The following SCCPDH variants were observed in gnomAD, a reference collection of about 807,000 sequenced individuals.
SCCPDH encodes saccharopine dehydrogenase-like oxidoreductase.
Under a neutral mutation model 51.5 loss-of-function variants are expected in SCCPDH, and 34 were observed. That is an observed-to-expected ratio of 0.66 (90% confidence interval 0.50 to 0.88). The LOEUF is 0.88. Among genes scored for constraint, SCCPDH ranks in the 40% least tolerant of loss-of-function variants. The pLI, the probability that SCCPDH is intolerant of heterozygous loss-of-function variation, is 0.00. For missense variants in SCCPDH, 464 were observed against 527.1 expected, an observed-to-expected ratio of 0.88 and a Z score of 1.17; for synonymous variants, 187 against 191.3, an observed-to-expected ratio of 0.98 and a Z score of 0.19.
chr1:246,732,214 A>G (rs1668503319), intron 2 of SCCPDH, among the ~76,000 whole-genome samples: 1 of 152,196 alleles, frequency 6.6e-6, no homozygotes, highest in Non-Finnish European at 1.5e-5. Flanking sequence ...AGATGGGGCT[A>G]GCTGGCTGCA....
intron 5 of SCCPDH, among the ~76,000 whole-genome samples, chr1:246,754,941 A>G (rs1433718861): frequency 1.3e-5 from 2 of 152,112 alleles, no homozygotes; most frequent in African/African-American, 2.4e-5. Context: ...TATTTCCACA[A>G]TAGTTTTTAT....
chr1:246,755,707 C>T, intron 5 of SCCPDH: 1 of 152,746 alleles, frequency 6.5e-6, no homozygotes. Context: ...CATTTCCTGC[C>T]CAAATCAAAT....
At chr1:246,766,853 C>G (rs1055609478) in intron 11 of SCCPDH, among the ~76,000 whole-genome samples, 2 of 151,986 alleles carry the variant, frequency 1.3e-5, no homozygotes, top group African/African-American at 4.8e-5. Context: ...TTATTCCATT[C>G]GGGTCTTTCT....
chr1:246,741,583 C>T (rs1313366998), intron 4 of SCCPDH, among the ~76,000 whole-genome samples: 1 of 151,048 alleles, frequency 6.6e-6, no homozygotes, highest in Non-Finnish European at 1.5e-5. Context: ...CAGACGTGAG[C>T]CACCATGCGC....
At chr1:246,749,812 GA>G (rs1477338749) in intron 5 of SCCPDH, among the ~76,000 whole-genome samples, 1 of 152,210 alleles carries the variant, frequency 6.6e-6, no homozygotes, top group Non-Finnish European at 1.5e-5. Context: ...CCAGTCTGAG[GA>G]GAGCTAGGAA....
At chr1:246,728,628 C>G (rs1172521992) in intron 2 of SCCPDH, among the ~76,000 whole-genome samples, 4 of 152,200 alleles carry the variant, frequency 2.6e-5, no homozygotes, top group Non-Finnish European at 4.4e-5. Flanking sequence ...CCTTGTTTTC[C>G]TTGAACTTTT....
At chr1:246,758,965 T>C (rs1025911403) in intron 6 of SCCPDH, 69 bp from the exon 7 acceptor site, 89 of 905,054 alleles carry the variant, frequency 9.8e-5, no homozygotes, top group Non-Finnish European at 1.5e-4. Context: ...CTGATTTGCT[T>C]ATTCAGACAT....
intron 3 of SCCPDH, among the ~76,000 whole-genome samples, chr1:246,739,683 A>G (rs1302023093): frequency 1.3e-5 from 2 of 152,236 alleles, no homozygotes; most frequent in African/African-American, 2.4e-5. Flanking sequence ...CTACTATTCA[A>G]TTTTTCTGTA....
In SCCPDH at chr1:246,764,321, C is replaced by T; in HGVS notation, c.1066C>T (p.Pro356Ser). Residue 356 changes from proline to serine, a missense_variant, in exon 10 of 12, where the codon CCA becomes TCA. By Grantham distance (74) the Pro-to-Ser change is moderately conservative (BLOSUM62 -1). Coordinates refer to ENST00000366510, the MANE Select transcript of SCCPDH (RefSeq NM_016002.3). The part of the protein sequence containing the change: ...SQGTGTDKNK[P>S]NIKICTQVKG... ...AGGCACTGGTACAGATAAGAACAAA[C>T]CAAATATCAAAATTTGTACTCAGGT... 1 of 1,612,598 alleles carries T rather than the reference C, an allele frequency of 6.2e-7. No individual in the cohort carries two copies. Among genetic ancestry groups the T allele is most frequent in the East Asian group, 2.2e-5 (1 of 44,822 alleles).
chr1:246,746,082 TG>T (rs1190552952), intron 5 of SCCPDH, among the ~76,000 whole-genome samples: 1 of 123,376 alleles, frequency 8.1e-6, no homozygotes, highest in African/African-American at 3.3e-5. Flanking sequence ...CACTCCAGCC[TG>T]GGCGACAGAG....
intron 5 of SCCPDH, among the ~76,000 whole-genome samples, chr1:246,747,709 G>A (rs1171556378): frequency 1.6e-5 from 2 of 127,560 alleles, no homozygotes; most frequent in Admixed American, 8.1e-5. Flanking sequence ...TTGGACTGCA[G>A]TCTAAGCTAA....
chr1:246,738,928 G>A (rs1353990232), intron 3 of SCCPDH, among the ~76,000 whole-genome samples: 2 of 152,354 alleles, frequency 1.3e-5, no homozygotes, highest in East Asian at 3.9e-4. Context: ...AATGATTTAT[G>A]TAGCTTCTCC....
At chr1:246,731,960 G>A (rs755409263) in intron 2 of SCCPDH, among the ~76,000 whole-genome samples, 5 of 151,670 alleles carry the variant, frequency 3.3e-5, no homozygotes, top group Non-Finnish European at 7.4e-5. Flanking sequence ...GAGATCATGC[G>A]GTATTTGGTT....
rs1412974834 is a variant in SCCPDH, at chr1:246,749,878, C to T, written c.564+5753C>T. On this transcript the variant is annotated intron_variant, in intron 5 of 11. Transcript: ENST00000366510. ...TTGCCTCTGGTTTGACAAATCTTCA[C>T]AGGGCATCAGAAGGCAAGCGTCAAA... Among the ~76,000 whole-genome samples, 3 of 150,966 alleles carry T rather than the reference C, an allele frequency of 2.0e-5. No homozygotes were observed. In the East Asian group the frequency reaches 5.9e-4, roughly 29 times the overall value.
intron 2 of SCCPDH, among the ~76,000 whole-genome samples, chr1:246,729,361 C>A (rs1668454545): frequency 7.0e-6 from 1 of 142,018 alleles, no homozygotes; most frequent in African/African-American, 2.5e-5. Flanking sequence ...CATCCCTTAT[C>A]TTCAACTGCA....
rs370697274 is a variant in SCCPDH at position 246,745,969 on chromosome 1, G to A, written c.564+1844G>A. 4.6e-3 allele frequency among the ~76,000 whole-genome samples: 703 copies of A among 152,044 alleles called. 7 individuals are homozygous for A. The highest frequency in any genetic ancestry group is 0.015 in the African/African-American group (616 of 41,444). On this transcript the variant is annotated intron_variant, in intron 5 of 11. Transcript: ENST00000366510. ...TAAAAATACAAAAAATTAGCTGGGC[G>A]TGGTGGCAGGCACCTGTAGTCCCAG...
chr1:246,742,319 T>G (rs1042922767), intron 4 of SCCPDH, among the ~76,000 whole-genome samples: 2 of 152,266 alleles, frequency 1.3e-5, no homozygotes, highest in African/African-American at 4.8e-5. Context: ...TCTGCTTTTA[T>G]TTTGAATAAG....
At position 246,758,223 on chromosome 1, in the gene SCCPDH, T is replaced by C. The variant is rs753787711; in HGVS notation, c.565-3T>C. ...TTCTTTAACTCTTGAAATATTTTAT[T>C]AGGGGTTGAGCATTCATGATGGTAC... is the stretch of plus-strand genomic sequence containing the variant. On this transcript the variant is annotated splice_polypyrimidine_tract_variant and splice_region_variant and intron_variant, in intron 5 of 11. Coordinates refer to ENST00000366510, the MANE Select transcript of SCCPDH (RefSeq NM_016002.3). The C allele has an allele frequency of 3.8e-5, 60 of 1,565,262 alleles. No homozygotes were observed. Among genetic ancestry groups the C allele is most frequent in the Non-Finnish European group, 5.0e-5 (58 of 1,160,474 alleles).
At chr1:246,763,630 T>G (rs892295843) in intron 9 of SCCPDH, among the ~76,000 whole-genome samples, 2 of 152,244 alleles carry the variant, frequency 1.3e-5, no homozygotes, top group South Asian at 4.1e-4. Context: ...ACATTGTTAT[T>G]TAATCTGTTT....
Sources: gnomAD v4.1 joint callset for allele counts (sites outside exome capture counted in the v4.1 genomes callset) on GRCh38, gnomAD v4.1.1 for gene constraint, MANE v1.5 for transcripts, NCBI Gene and HGNC (gene_info 2026-07-23, HGNC 2026-07-21) for gene names.